The following CCNB3 variants were observed in gnomAD, a reference collection of about 807,000 sequenced individuals.
CCNB3 encodes G2/mitotic-specific cyclin-B3.
In CCNB3, 12 loss-of-function variants were observed where a neutral mutation model predicts 68.0. That is an observed-to-expected ratio of 0.18 (90% CI 0.11 to 0.29). The LOEUF (loss-of-function observed/expected upper bound fraction) is 0.29, where lower values mean the gene tolerates loss of function less well. Among genes scored for constraint, CCNB3 ranks in the 10% least tolerant of loss-of-function variants. The pLI, the probability that CCNB3 is intolerant of heterozygous loss-of-function variation, is 1.00. For missense variants in CCNB3, 904 were observed against 993.1 expected (o/e 0.91, Z 1.21); for synonymous variants, 354 against 388.9 (o/e 0.91, Z 1.06).
chrX:50,302,324 ATTC>A (rs1383496606), intron 5 of CCNB3, among the ~76,000 whole-genome samples: 3 of 112,153 alleles, frequency 2.7e-5, no homozygotes, highest in African/African-American at 9.7e-5. Flanking sequence ...TGCCATAAAC[ATTC>A]TTCTCTTCAC....
At chrX:50,295,323 G>C (rs1936434015) in intron 5 of CCNB3, among the ~76,000 whole-genome samples, 1 of 111,037 alleles carries the variant, frequency 9.0e-6, no homozygotes, top group African/African-American at 3.3e-5. Context: ...AACTTTCCAG[G>C]GATTCTCAGC....
At chrX:50,290,124 A>AT (rs1290531740) in intron 4 of CCNB3, among the ~76,000 whole-genome samples, 1 of 112,246 alleles carries the variant, frequency 8.9e-6, no homozygotes, top group Non-Finnish European at 1.9e-5. Flanking sequence ...GATGCAGCCT[A>AT]TCTTAGTGTA....
intron 1 of CCNB3, among the ~76,000 whole-genome samples, chrX:50,282,407 T>C (rs1318061331): frequency 8.9e-6 from 1 of 111,977 alleles, no homozygotes; most frequent in Non-Finnish European, 1.9e-5. Flanking sequence ...CTACTTCCTG[T>C]AGACTGTTTT....
At chrX:50,312,512 T>C in intron 6 of CCNB3, 25 bp from the exon 7 acceptor site, 1 of 1,102,302 alleles carries the variant, frequency 9.1e-7, no homozygotes, top group Non-Finnish European at 1.3e-6. Context: ...TCTCATAATA[T>C]GTCTTTTTGG....
At chrX:50,281,354 A>G (rs1936133511) in intron 1 of CCNB3, among the ~76,000 whole-genome samples, 1 of 109,684 alleles carries the variant, frequency 9.1e-6, no homozygotes, top group Admixed American at 9.8e-5. Flanking sequence ...GAGTCGCTAT[A>G]GTAAGGAGCT....
At chrX:50,335,278 G>A (rs1319378102) in intron 8 of CCNB3, among the ~76,000 whole-genome samples, 1 of 112,157 alleles carries the variant, frequency 8.9e-6, no homozygotes, top group African/African-American at 3.2e-5. Flanking sequence ...CTGGCTTTCA[G>A]GAGCTAGTCT....
At position 50,310,105 on chromosome X, in the gene CCNB3, C is replaced by G. The variant is rs1557214440; in HGVS notation, c.1936C>G (p.His646Asp). ...GGAACCATCTGCATTGAAAGAGAAG[C>G]ATACCACCTTGCAGGAAGTGTCCCT... ...SQEPSALKEK[H>D]TTLQEVSLSK... The change falls in exon 6 of 13, where the codon CAT becomes GAT. Residue 646 changes from histidine (H) to aspartate (D), a missense_variant. Coordinates refer to ENST00000376042, the MANE Select transcript of CCNB3 (RefSeq NM_033031.3). The G allele has an allele frequency of 1.7e-6, 2 of 1,211,131 alleles. No homozygotes were observed. The highest frequency in any genetic ancestry group is 3.5e-5 in the South Asian group (2 of 56,827).
chrX:50,212,849 G>A (rs1351613852), intron 1 of CCNB3, among the ~76,000 whole-genome samples: 1 of 111,805 alleles, frequency 8.9e-6, no homozygotes, highest in Non-Finnish European at 1.9e-5. Flanking sequence ...TGTGTGAAAT[G>A]TTGTCTGTGA....
rs1557214927 is a variant in CCNB3, at chrX:50,311,297, C to T, written c.3128C>T (p.Thr1043Ile). The change falls in exon 6 of 13, where the codon ACC (threonine) becomes ATC (isoleucine). Residue 1043 changes from threonine to isoleucine, a missense_variant. Thr to Ile is a moderately conservative substitution (Grantham distance 89, BLOSUM62 -1). Coordinates refer to ENST00000376042, the MANE Select transcript of CCNB3 (RefSeq NM_033031.3). Reference protein sequence around the residue: ...LQESPTCKEDTFLETFLIPQI... With the variant: ...LQESPTCKEDIFLETFLIPQI... ...GAGAGTCCCACCTGCAAGGAAGACA[C>T]CTTTCTGGAAACATTCTTGATCCCC... 10 of 1,209,547 alleles carry T rather than the reference C, an allele frequency of 8.3e-6. No individual in the cohort carries two copies. The highest frequency in any genetic ancestry group is 1.1e-5 in the Non-Finnish European group (10 of 895,166).
intron 8 of CCNB3, among the ~76,000 whole-genome samples, chrX:50,335,386 T>C (rs1208240246): frequency 2.7e-5 from 3 of 112,016 alleles, no homozygotes; most frequent in East Asian, 5.6e-4. Context: ...AACTGTTGGG[T>C]GCAGAGTCAC....
In CCNB3 at chrX:50,312,606, A is replaced by T; in HGVS notation, c.3397A>T (p.Ile1133Phe). 1 of 1,202,061 alleles carries T rather than the reference A, an allele frequency of 8.3e-7. No homozygotes were observed. The stretch of plus-strand genomic sequence containing the variant: ...TTTCAACCCAATGTATGCCAAGGAA[A>T]TCTTCAGTTACATGAAAGAGAGAGA... ...PSFNPMYAKE[I>F]FSYMKEREEQ... The change falls in exon 7 of 13, where the codon ATC becomes TTC. Residue 1133 changes from isoleucine (I) to phenylalanine (F), a missense_variant. Transcript: ENST00000376042.
chrX:50,281,126 A>G (rs1176835094), intron 1 of CCNB3, among the ~76,000 whole-genome samples: 5 of 110,928 alleles, frequency 4.5e-5, no homozygotes, highest in South Asian at 3.9e-4. Context: ...CCAACCAATT[A>G]TACCAGAAAC....
chrX:50,308,844 C>T lies in CCNB3; in HGVS notation c.675C>T (p.Thr225=). 1 of 1,210,787 alleles carries T rather than the reference C, an allele frequency of 8.3e-7. No homozygotes were observed. The highest frequency in any genetic ancestry group is 3.0e-5 in the East Asian group (1 of 33,796). Residue 225 remains threonine, a synonymous_variant, in exon 6 of 13, where the codon ACC becomes ACT. Transcript: ENST00000376042. ...KTHKTEEAAI[T]KKTLSLKKKM... ...ATAAAACTGAGGAGGCAGCCATCAC[C>T]AAGAAGACATTATCCTTAAAGAAGA...
chrX:50,227,073 A>G (rs1359357428), intron 1 of CCNB3, among the ~76,000 whole-genome samples: 2 of 81,461 alleles, frequency 2.5e-5, no homozygotes, highest in East Asian at 3.5e-4. Flanking sequence ...ATATACAAAT[A>G]TAAAGAATAT....
intron 1 of CCNB3, among the ~76,000 whole-genome samples, chrX:50,211,724 C>T (rs1237250456): frequency 1.7e-4 from 19 of 111,082 alleles, no homozygotes; most frequent in Non-Finnish European, 3.2e-4. Flanking sequence ...ACTAGGAGAT[C>T]GCAGCTGTTG....
chrX:50,325,965 G>A (rs1372678084), intron 8 of CCNB3, among the ~76,000 whole-genome samples: 2 of 110,153 alleles, frequency 1.8e-5, no homozygotes, highest in East Asian at 5.7e-4. Flanking sequence ...ATGAAATATA[G>A]CTTTTAATGG....
In CCNB3 at chrX:50,309,191, A is replaced by G. The variant is rs1569542851; in HGVS notation, c.1022A>G (p.His341Arg). Residue 341 changes from histidine to arginine, a missense_variant, in exon 6 of 13, where the codon CAT becomes CGT. His to Arg is a conservative substitution (Grantham distance 29, BLOSUM62 0). Transcript: ENST00000376042. The part of the protein sequence containing the change: ...SVLQEKHTTE[H>R]EMSILKKSLA... ...TTGCAAGAGAAACACACCACTGAGC[A>G]TGAGATGTCCATCTTGAAGAAATCA... 2.5e-6 allele frequency: 3 copies of G among 1,210,309 alleles called. No homozygotes were observed. The highest frequency in any genetic ancestry group is 3.0e-5 in the East Asian group (1 of 33,819).
chrX:50,346,584 C>A (rs1289739720), intron 9 of CCNB3, 68 bp from the exon 10 acceptor site: 3 of 1,093,211 alleles, frequency 2.7e-6, no homozygotes, highest in African/African-American at 3.7e-5. Context: ...TCCCTGCTGA[C>A]TTTTACCTCT....
chrX:50,287,039 A>G (rs1557209443), intron 3 of CCNB3, among the ~76,000 whole-genome samples: 1 of 112,404 alleles, frequency 8.9e-6, no homozygotes, highest in Non-Finnish European at 1.9e-5. Flanking sequence ...ATTAAGTGTT[A>G]ATGGTACAGC....
Sources: gnomAD v4.1 joint callset for allele counts (sites outside exome capture counted in the v4.1 genomes callset) on GRCh38, gnomAD v4.1.1 for gene constraint, MANE v1.5 for transcripts, NCBI Gene and HGNC (gene_info 2026-07-23, HGNC 2026-07-21) for gene names.